ERLEC1: variants seen among roughly 807,000 people sequenced by gnomAD.
ERLEC1 encodes endoplasmic reticulum lectin 1, also known as ER lectin.
Under a neutral mutation model 68.0 loss-of-function variants are expected in ERLEC1, and 47 were observed. That is an observed-to-expected ratio of 0.69 (90% CI 0.55 to 0.88). The LOEUF (loss-of-function observed/expected upper bound fraction) is 0.88, where lower values mean the gene tolerates loss of function less well. ERLEC1 is among the 40% of genes least tolerant of loss of function. The pLI is 0.00. For missense variants in ERLEC1, 567 were observed against 583.8 expected (o/e 0.97, Z 0.30); for synonymous variants, 225 against 203.2 (o/e 1.11, Z -0.91).
chr2:53,808,914 C>A (rs1369499557), intron 9 of ERLEC1, among the ~76,000 whole-genome samples: 1 of 152,190 alleles, frequency 6.6e-6, no homozygotes, highest in Non-Finnish European at 1.5e-5. Flanking sequence ...CAGGCGTGAG[C>A]CACCGCACCT....
In ERLEC1 at chr2:53,812,949, G is replaced by T; in HGVS notation, c.1102G>T (p.Asp368Tyr). 1 of 1,607,718 alleles carries T rather than the reference G, an allele frequency of 6.2e-7. No homozygotes were observed. Residue 368 changes from aspartate (D) to tyrosine (Y), a missense_variant and splice_region_variant, in exon 11 of 14, where the codon GAC becomes TAC. Physicochemically the swap from Asp to Tyr is radical, Grantham distance 160. Coordinates refer to ENST00000185150, the MANE Select transcript of ERLEC1 (RefSeq NM_015701.5). ...YGKHVHQYHE[D>Y]KDSGKTSVVV... ...ATCACAAATTTTTTTCCCATATTAG[G>T]ACAAGGATAGTGGGAAAACCTCTGT...
At chr2:53,808,620 C>G (rs578179515) in intron 9 of ERLEC1, among the ~76,000 whole-genome samples, 160 bp downstream of exon 9, 2 of 152,192 alleles carry the variant, frequency 1.3e-5, no homozygotes, top group East Asian at 3.8e-4. Context: ...CATACCCCCA[C>G]GTTTCTGTAA....
At chr2:53,816,193 GCCTCAGC>G (rs1676871053) in intron 13 of ERLEC1, among the ~76,000 whole-genome samples, 1 of 151,568 alleles carries the variant, frequency 6.6e-6, no homozygotes, top group African/African-American at 2.4e-5. Context: ...CAATTCTTGT[GCCTCAGC>G]CTTCCAAGTA....
intron 2 of ERLEC1, among the ~76,000 whole-genome samples, chr2:53,795,264 A>G (rs1484691244): frequency 1.3e-5 from 2 of 152,218 alleles, no homozygotes; most frequent in African/African-American, 4.8e-5. Flanking sequence ...AGGCTGAGGT[A>G]TAGGCTATAG....
chr2:53,813,688 G>A (rs1676710281), intron 11 of ERLEC1, among the ~76,000 whole-genome samples: 1 of 151,876 alleles, frequency 6.6e-6, no homozygotes, highest in Non-Finnish European at 1.5e-5. Flanking sequence ...TTCCTTCTTG[G>A]GTATTACCTT....
chr2:53,807,237 A>G (rs1676342979), intron 8 of ERLEC1, among the ~76,000 whole-genome samples: 1 of 152,114 alleles, frequency 6.6e-6, no homozygotes, highest in African/African-American at 2.4e-5. Context: ...GCATATATAC[A>G]CACATAGTCA....
At chr2:53,798,810 T>C (rs1675852503) in intron 5 of ERLEC1, among the ~76,000 whole-genome samples, 2 of 151,820 alleles carry the variant, frequency 1.3e-5, no homozygotes, top group Admixed American at 6.6e-5. Context: ...CGAAAGAAAA[T>C]TGTTGTGGCC....
In ERLEC1 at chr2:53,818,226, T is replaced by C. The variant is rs1198339925; in HGVS notation, c.*257T>C. 3.5e-6 allele frequency: 1 copy of C among 283,444 alleles called. No individual in the cohort carries two copies. The highest frequency in any genetic ancestry group is 6.6e-6 in the Non-Finnish European group (1 of 150,498). The allele number at this position is 283,444 out of a possible 1,614,324, so 17.6% of individuals were successfully genotyped here. On this transcript the variant is annotated 3_prime_UTR_variant, in exon 14 of 14. Transcript: ENST00000185150. ...TTTTTCTTTGCTTGGATACTGTGATTCCAAAATAAATCTCATCCAAGCAAG... is the reference window on the plus strand; with the variant it reads ...TTTTTCTTTGCTTGGATACTGTGATCCCAAAATAAATCTCATCCAAGCAAG...
At chr2:53,799,227 C>A in intron 6 of ERLEC1, 146 bp downstream of exon 6, 1 of 645,600 alleles carries the variant, frequency 1.5e-6, no homozygotes, top group Non-Finnish European at 2.6e-6. Flanking sequence ...AGAATCTTTG[C>A]AGTATATTCC....
At position 53,801,731 on chromosome 2, in the gene ERLEC1, G is replaced by A. The variant is rs1457310696; in HGVS notation, c.768G>A (p.Val256=). ...TGAACAGGTTCAGAGCATCTCCTGT[G>A]AATGACATATTTTGTCAATCACTGC... The part of the protein sequence containing the change: ...HPKYRFRASP[V]NDIFCQSLPG... Residue 256 remains valine (V), a synonymous_variant, in exon 8 of 14, where the codon GTG becomes GTA. Coordinates refer to ENST00000185150, the MANE Select transcript of ERLEC1 (RefSeq NM_015701.5). The A allele has an allele frequency of 1.9e-6, 3 of 1,613,950 alleles. No homozygotes were observed. Among genetic ancestry groups the A allele is most frequent in the Non-Finnish European group, 2.5e-6 (3 of 1,179,970 alleles).
At chr2:53,797,270 GGTAATTATTACAGACCCCAA>G (rs1675763918) in intron 3 of ERLEC1, among the ~76,000 whole-genome samples, 1 of 152,088 alleles carries the variant, frequency 6.6e-6, no homozygotes, top group Non-Finnish European at 1.5e-5. Context: ...CCCTAAGCCA[GGTAATTATTACAGACCCCAA>G]GTGTATTCTA....
chr2:53,797,441 T>C lies in ERLEC1; in HGVS notation c.349-74T>C, dbSNP rs970664826. 3 of 1,092,792 alleles carry C rather than the reference T, an allele frequency of 2.7e-6. No homozygotes were observed. In the African/African-American group the frequency reaches 4.7e-5, roughly 17 times the overall value. The allele number at this position is 1,092,792 out of a possible 1,614,324, so 67.7% of individuals were successfully genotyped here. A position where few individuals can be genotyped will look rare whatever the true frequency, so the allele number is the denominator to read the frequency against. ...CTGAAATCTTAGGGGAAGTCTCAGC[T>C]GCTTCAAATATCAGAAAGTAATTCA... On this transcript the variant is annotated intron_variant, in intron 3 of 13. Coordinates refer to ENST00000185150, the MANE Select transcript of ERLEC1 (RefSeq NM_015701.5).
In ERLEC1 at chr2:53,796,006, C is replaced by T. The variant is rs1388017053; in HGVS notation, c.341C>T (p.Ser114Phe). The T allele has an allele frequency of 1.3e-6, 2 of 1,594,494 alleles. No homozygotes were observed. Among genetic ancestry groups the T allele is most frequent in the Admixed American group, 1.8e-5 (1 of 56,292 alleles). The change falls in exon 3 of 14, where the codon TCC (serine) becomes TTC (phenylalanine). Residue 114 changes from serine (S) to phenylalanine (F), a missense_variant. Coordinates refer to ENST00000185150, the MANE Select transcript of ERLEC1 (RefSeq NM_015701.5). ...CCACTATTTAAACAAAGCAGTTGTT[C>T]CTACAGAGTATGTATTTTATGTTTA... ...LEPLFKQSSC[S>F]YRIESYWTYE...
At chr2:53,794,279 C>A in intron 1 of ERLEC1, 66 bp from the exon 2 acceptor site, 2 of 656,314 alleles carry the variant, frequency 3.0e-6, no homozygotes, top group Non-Finnish European at 5.1e-6. Flanking sequence ...CCAGCTAAGA[C>A]TAAAGTTATT....
intron 2 of ERLEC1, 103 bp from the exon 3 acceptor site, chr2:53,795,830 A>T: frequency 8.2e-6 from 6 of 730,020 alleles, no homozygotes; most frequent in Middle Eastern, 2.6e-4. Flanking sequence ...TTTCTCTTTT[A>T]TTTCTAAGCA....
intron 1 of ERLEC1, among the ~76,000 whole-genome samples, chr2:53,787,871 TTTTCC>T (rs2104260010): frequency 6.6e-6 from 1 of 152,320 alleles, no homozygotes; most frequent in South Asian, 2.1e-4. Flanking sequence ...CAAGGGAACT[TTTTCC>T]TTTCCTAGTT....
At chr2:53,787,728 A>C in intron 1 of ERLEC1, 1 of 206,564 alleles carries the variant, frequency 4.8e-6, no homozygotes, top group African/African-American at 2.3e-5. Flanking sequence ...CTCTTACTTC[A>C]CCAGCAGACT....
chr2:53,797,929 G>A, intron 5 of ERLEC1, 134 bp downstream of exon 5: 1 of 770,078 alleles, frequency 1.3e-6, no homozygotes. Context: ...GGGCGCGGTG[G>A]CTGACGCGTG....
chr2:53,814,959 A>G, intron 13 of ERLEC1, 24 bp downstream of exon 13: 1 of 1,431,966 alleles, frequency 7.0e-7, no homozygotes, highest in Non-Finnish European at 9.6e-7. Flanking sequence ...AAAATAATCA[A>G]AAATTCCATT....
Sources: allele counts gnomAD v4.1 joint callset (sites outside exome capture counted in the v4.1 genomes callset), GRCh38; gene constraint gnomAD v4.1.1; transcripts MANE v1.5; gene names NCBI Gene and HGNC (gene_info 2026-07-23, HGNC 2026-07-21).